Variants in AGBL1 observed in about 807,000 individuals in gnomAD.
The protein encoded by AGBL1 is AGBL carboxypeptidase 1, also known as cytosolic carboxypeptidase 4.
A neutral mutation model predicts 118.9 loss-of-function variants in AGBL1; 130 were observed. That is an observed-to-expected ratio of 1.09 (90% confidence interval 0.95 to 1.26). The LOEUF (loss-of-function observed/expected upper bound fraction) is 1.26. Ranked by LOEUF, AGBL1 falls within the 50% of genes most tolerant of loss-of-function variation. The pLI is 0.00. For synonymous variants in AGBL1, 555 were observed against 478.9 expected (o/e 1.16, Z -2.08); for missense variants, 1,584 against 1,298.1 (o/e 1.22, Z -3.38).
chr15:86,470,817 G>C (rs1165719483), intron 18 of AGBL1, among the ~76,000 whole-genome samples: 2 of 151,666 alleles, frequency 1.3e-5, no homozygotes, highest in African/African-American at 4.8e-5. Flanking sequence ...ATTGATTTTG[G>C]GGGGATAGTT....
intron 22 of AGBL1, among the ~76,000 whole-genome samples, chr15:86,858,685 G>A (rs930274846): frequency 6.6e-6 from 1 of 152,152 alleles, no homozygotes; most frequent in African/African-American, 2.4e-5. Context: ...GGGTAACAGG[G>A]ACAGGCTCAA....
chr15:86,454,746 G>C (rs979627242), intron 18 of AGBL1, among the ~76,000 whole-genome samples: 1 of 152,086 alleles, frequency 6.6e-6, no homozygotes, highest in Non-Finnish European at 1.5e-5. Flanking sequence ...GCTATTGACT[G>C]CAAAGGGGCA....
intron 23 of AGBL1, among the ~76,000 whole-genome samples, chr15:86,974,925 T>A (rs914196699): frequency 1.3e-5 from 2 of 151,948 alleles, no homozygotes; most frequent in Non-Finnish European, 2.9e-5. Context: ...AGCAGAATAA[T>A]GTTGCAGGGG....
intron 1 of AGBL1, among the ~76,000 whole-genome samples, chr15:86,093,591 A>G (rs1356875398): frequency 1.3e-5 from 2 of 152,222 alleles, no homozygotes; most frequent in Non-Finnish European, 2.9e-5. Context: ...AAGAGGAACT[A>G]TTAATCAGTA....
intron 5 of AGBL1, among the ~76,000 whole-genome samples, chr15:86,166,912 A>T (rs751189255): frequency 2.5e-4 from 38 of 152,222 alleles, no homozygotes; most frequent in Admixed American, 8.5e-4. Flanking sequence ...CTCTACAGAA[A>T]TTGCATTTCC....
At chr15:86,940,224 C>A (rs1014986296) in intron 23 of AGBL1, among the ~76,000 whole-genome samples, 6 of 151,636 alleles carry the variant, frequency 4.0e-5, no homozygotes, top group Non-Finnish European at 8.8e-5. Flanking sequence ...TCTAATGGAG[C>A]CCTTTGATTT....
intron 5 of AGBL1, among the ~76,000 whole-genome samples, chr15:86,179,486 A>G (rs2077524404): frequency 6.6e-6 from 1 of 152,178 alleles, no homozygotes; most frequent in South Asian, 2.1e-4. Context: ...CCATGGACCC[A>G]GAAAAAACAT....
chr15:86,864,743 C>T (rs960108102), intron 22 of AGBL1, among the ~76,000 whole-genome samples: 2 of 152,094 alleles, frequency 1.3e-5, no homozygotes, highest in Non-Finnish European at 2.9e-5. Context: ...TCAACAAACA[C>T]GTGTTCAAAG....
intron 20 of AGBL1, among the ~76,000 whole-genome samples, chr15:86,546,764 A>G (rs901312365): frequency 3.3e-5 from 5 of 152,178 alleles, no homozygotes; most frequent in African/African-American, 1.2e-4. Flanking sequence ...AGGGAGGGGT[A>G]AAGAAGGGAG....
chr15:86,291,744 T>C (rs978381525), intron 16 of AGBL1, among the ~76,000 whole-genome samples: 2 of 152,050 alleles, frequency 1.3e-5, no homozygotes, highest in African/African-American at 4.8e-5. Context: ...GCTTAGCTAG[T>C]TGTGTAGGTT....
chr15:86,179,693 G>A (rs890442156), intron 5 of AGBL1, among the ~76,000 whole-genome samples: 4 of 152,048 alleles, frequency 2.6e-5, no homozygotes, highest in Admixed American at 6.5e-5. Context: ...TTATACTGGC[G>A]ATTCTAGTCA....
At chr15:86,705,029 G>C (rs1014392294) in intron 22 of AGBL1, among the ~76,000 whole-genome samples, 4 of 152,212 alleles carry the variant, frequency 2.6e-5, no homozygotes, top group Non-Finnish European at 5.9e-5. Flanking sequence ...AACTAACACA[G>C]GAACAGAAAA....
chr15:86,877,220 C>T (rs2079823477), intron 22 of AGBL1, among the ~76,000 whole-genome samples: 1 of 152,120 alleles, frequency 6.6e-6, no homozygotes, highest in Admixed American at 6.5e-5. Flanking sequence ...CTGCAGGCAT[C>T]CTGGCTGCCA....
At chr15:86,299,959 G>A (rs1227105976) in intron 17 of AGBL1, 1 of 152,030 alleles carries the variant, frequency 6.6e-6, no homozygotes, top group Non-Finnish European at 1.5e-5. Context: ...TTCTACCTTT[G>A]CCCAGACTCA....
chr15:86,633,359 A>G (rs938112748), intron 21 of AGBL1, among the ~76,000 whole-genome samples: 2 of 152,124 alleles, frequency 1.3e-5, no homozygotes, highest in Admixed American at 6.6e-5. Flanking sequence ...TTTATGTAAT[A>G]TGGTCACCTG....
intron 5 of AGBL1, among the ~76,000 whole-genome samples, chr15:86,186,201 C>T (rs572852267): frequency 1.4e-4 from 20 of 145,020 alleles, no homozygotes; most frequent in Admixed American, 1.1e-3. Flanking sequence ...TTGCGGGGAA[C>T]AACAGGCGCT....
At position 86,360,731 on chromosome 15, in the gene AGBL1, G is replaced by T. The variant is rs76292446; in HGVS notation, c.2375-36635G>T. On this transcript the variant is annotated intron_variant, in intron 17 of 22. Transcript: ENST00000614907. ...CAATCTCCTTATTTGTTATTGGTAT[G>T]TTCAGGATTTCTGTTTCTTATTAAT... is the stretch of plus-strand genomic sequence containing the variant. 8.0e-3 allele frequency among the ~76,000 whole-genome samples: 1,218 copies of T among 151,970 alleles called. 11 individuals carry two copies. Among genetic ancestry groups the T allele is most frequent in the Middle Eastern group, 0.014 (4 of 294 alleles).
At chr15:86,130,614 A>C (rs1305645166) in intron 1 of AGBL1, among the ~76,000 whole-genome samples, 2 of 152,236 alleles carry the variant, frequency 1.3e-5, no homozygotes, top group African/African-American at 4.8e-5. Context: ...AGAGAAACTC[A>C]CTAAAATCTT....
chr15:86,694,446 G>A (rs1247047378), intron 22 of AGBL1, among the ~76,000 whole-genome samples: 1 of 152,034 alleles, frequency 6.6e-6, no homozygotes, highest in African/African-American at 2.4e-5. Flanking sequence ...CATTAATTTT[G>A]TATCCTGAAA....
Sources: gnomAD v4.1 joint callset for allele counts (sites outside exome capture counted in the v4.1 genomes callset) on GRCh38, gnomAD v4.1.1 for gene constraint, MANE v1.5 for transcripts, NCBI Gene and HGNC (gene_info 2026-07-23, HGNC 2026-07-21) for gene names.